The following UBE2H variants were observed in gnomAD, a reference collection of about 807,000 sequenced individuals.
UBE2H encodes the protein ubiquitin conjugating enzyme E2 H.
A neutral mutation model predicts 29.0 loss-of-function variants in UBE2H; 3 were observed. The ratio of observed to expected loss-of-function variants is 0.10; its 90% CI spans 0.05 to 0.27. UBE2H has a LOEUF of 0.27. UBE2H is among the 10% of genes least tolerant of loss of function. The pLI is 1.00. For missense variants in UBE2H, 68 were observed against 228.2 expected (o/e 0.30, Z 4.52); for synonymous variants, 69 against 82.9 (o/e 0.83, Z 0.91).
chr7:129,935,103 T>C (rs1053222576), intron 1 of UBE2H, among the ~76,000 whole-genome samples: 1 of 151,362 alleles, frequency 6.6e-6, no homozygotes, highest in Non-Finnish European at 1.5e-5. Flanking sequence ...GAAGCAGAAA[T>C]ATATATAGAT....
At chr7:129,924,886 C>A (rs1807233466) in intron 1 of UBE2H, among the ~76,000 whole-genome samples, 2 of 151,954 alleles carry the variant, frequency 1.3e-5, no homozygotes, top group Admixed American at 6.6e-5. Flanking sequence ...CAACCTTCAA[C>A]CACCGCTGAA....
chr7:129,914,682 G>A (rs763351615), intron 1 of UBE2H, among the ~76,000 whole-genome samples: 4 of 152,064 alleles, frequency 2.6e-5, no homozygotes, highest in African/African-American at 4.8e-5. Flanking sequence ...TATCTTCTCT[G>A]AGCCCACTCC....
At chr7:129,839,055 A>AGG (rs1805380004) in intron 6 of UBE2H, 152 bp downstream of exon 6, 3 of 1,117,040 alleles carry the variant, frequency 2.7e-6, no homozygotes, top group Non-Finnish European at 3.8e-6. Context: ...CTGCCACCCG[A>AGG]GGTTGGTGAG....
chr7:129,950,139 C>T (rs1012666400), intron 1 of UBE2H, among the ~76,000 whole-genome samples: 2 of 152,194 alleles, frequency 1.3e-5, no homozygotes. Context: ...CTCACCTACA[C>T]AACACACACA....
At chr7:129,927,218 T>C (rs1166100983) in intron 1 of UBE2H, among the ~76,000 whole-genome samples, 1 of 152,232 alleles carries the variant, frequency 6.6e-6, no homozygotes, top group Non-Finnish European at 1.5e-5. Context: ...TTCAGTAACT[T>C]TTTTAAGAAA....
At chr7:129,911,089 GCATGGTGACT>G (rs1806926624) in intron 1 of UBE2H, among the ~76,000 whole-genome samples, 1 of 151,114 alleles carries the variant, frequency 6.6e-6, no homozygotes, top group African/African-American at 2.4e-5. Context: ...AACAGGTCAG[GCATGGTGACT>G]CATGCCTGTA....
intron 3 of UBE2H, among the ~76,000 whole-genome samples, chr7:129,878,588 CAGA>C (rs1210411162): frequency 2.7e-5 from 4 of 146,436 alleles, no homozygotes; most frequent in Middle Eastern, 3.5e-3. Context: ...GAGGCTGAGG[CAGA>C]AGAATGGCGT....
At chr7:129,849,984 C>T (rs1022303116) in intron 5 of UBE2H, among the ~76,000 whole-genome samples, 10 of 151,982 alleles carry the variant, frequency 6.6e-5, no homozygotes, top group Non-Finnish European at 1.0e-4. Context: ...CAAAACAAAA[C>T]AAAATAAAAA....
At chr7:129,890,319 A>G (rs1168299733) in intron 1 of UBE2H, among the ~76,000 whole-genome samples, 8 of 151,714 alleles carry the variant, frequency 5.3e-5, no homozygotes, top group African/African-American at 1.5e-4. Flanking sequence ...GTATATATGT[A>G]TGTATATATA....
At chr7:129,887,744 A>G (rs1464175756) in intron 1 of UBE2H, among the ~76,000 whole-genome samples, 1 of 148,786 alleles carries the variant, frequency 6.7e-6, no homozygotes, top group Non-Finnish European at 1.5e-5. Flanking sequence ...TACTAAAAAT[A>G]CGAAATTAGC....
chr7:129,840,707 C>T (rs1489548920), intron 5 of UBE2H, among the ~76,000 whole-genome samples: 1 of 152,134 alleles, frequency 6.6e-6, no homozygotes, highest in Non-Finnish European at 1.5e-5. Context: ...ATGTCTCTGC[C>T]CCACTCCAGC....
intron 1 of UBE2H, among the ~76,000 whole-genome samples, chr7:129,938,413 C>CAAAAAAAA (rs34454670): frequency 5.3e-5 from 2 of 38,040 alleles, no homozygotes; most frequent in Non-Finnish European, 8.2e-5. Context: ...CTGCCTCATT[C>CAAAAAAAA]AAAAAAAAAA....
chr7:129,857,452 C>T, intron 5 of UBE2H, 59 bp downstream of exon 5: 1 of 1,549,390 alleles, frequency 6.5e-7, no homozygotes, highest in Non-Finnish European at 8.8e-7. Context: ...AAAAGCCAAA[C>T]AACATTTTTT....
At chr7:129,912,734 C>T (rs1806962071) in intron 1 of UBE2H, among the ~76,000 whole-genome samples, 1 of 152,148 alleles carries the variant, frequency 6.6e-6, no homozygotes, top group Non-Finnish European at 1.5e-5. Flanking sequence ...CCTTATAAAG[C>T]CCGCTCACTC....
At chr7:129,916,778 C>A (rs1026196897) in intron 1 of UBE2H, among the ~76,000 whole-genome samples, 1 of 152,098 alleles carries the variant, frequency 6.6e-6, no homozygotes, top group Non-Finnish European at 1.5e-5. Flanking sequence ...GTGGCTCACA[C>A]CTGTAATTCC....
chr7:129,939,874 G>T (rs1431323823), intron 1 of UBE2H, among the ~76,000 whole-genome samples: 1 of 151,866 alleles, frequency 6.6e-6, no homozygotes. Context: ...CAGGAGAATC[G>T]CTTGAACCTG....
chr7:129,914,391 T>C (rs1021985974), intron 1 of UBE2H, among the ~76,000 whole-genome samples: 1 of 151,824 alleles, frequency 6.6e-6, no homozygotes, highest in East Asian at 1.9e-4. Flanking sequence ...GGTCTCAAAC[T>C]CCTGACCTCA....
chr7:129,867,718 GAAAACCAAAAAAAAAAAAAAAA>G (rs1563027547), intron 3 of UBE2H, among the ~76,000 whole-genome samples: 149 of 19,656 alleles, frequency 7.6e-3, no homozygotes, highest in African/African-American at 0.028. Flanking sequence ...AAAAAAAAAA[GAAAACCAAAAAAAAAAAAAAAA>G]AAGAAGACCA....
rs183309183 is a variant in UBE2H, at chr7:129,943,005, G to A, written c.53+9498C>T. Among the ~76,000 whole-genome samples the A allele has an allele frequency of 8.5e-5, 13 of 152,166 alleles. No individual in the cohort carries two copies. The East Asian group carries it at 2.3e-3, about 27-fold the overall frequency. On this transcript the variant is annotated intron_variant, in intron 1 of 6. Coordinates refer to ENST00000355621, the MANE Select transcript of UBE2H (RefSeq NM_003344.4). ...TTACAGGTGTGCACCACCACACCCA[G>A]CTAGTTTTTGCATTTTTAGTAGAGA...
Sources: allele counts gnomAD v4.1 joint callset (sites outside exome capture counted in the v4.1 genomes callset), GRCh38; gene constraint gnomAD v4.1.1; transcripts MANE v1.5; gene names NCBI Gene and HGNC (gene_info 2026-07-23, HGNC 2026-07-21).